GALNTL6: variants seen among roughly 807,000 people sequenced by gnomAD.
The protein encoded by GALNTL6 is polypeptide N-acetylgalactosaminyltransferase like 6.
A neutral mutation model predicts 73.7 loss-of-function variants in GALNTL6; 46 were observed. The ratio of observed to expected loss-of-function variants is 0.62; its 90% CI spans 0.49 to 0.80. The LOEUF is 0.80. GALNTL6 is among the 30% of genes least tolerant of loss of function. The probability of loss-of-function intolerance (pLI) is 0.00; values close to 1 mark genes in which losing one functional copy is unlikely to be tolerated. For synonymous variants in GALNTL6, 259 were observed against 263.7 expected (o/e 0.98, Z 0.17); for missense variants, 604 against 755.0 (o/e 0.80, Z 2.34).
At chr4:172,965,276 C>T (rs544715149) in intron 10 of GALNTL6, among the ~76,000 whole-genome samples, 1 of 152,092 alleles carries the variant, frequency 6.6e-6, no homozygotes, top group Non-Finnish European at 1.5e-5. Flanking sequence ...TGAAGACAAA[C>T]CTAAAGTGTC....
At chr4:172,814,314 A>G (rs1741479323) in intron 7 of GALNTL6, among the ~76,000 whole-genome samples, 1 of 152,216 alleles carries the variant, frequency 6.6e-6, no homozygotes, top group Non-Finnish European at 1.5e-5. Context: ...ATGTACAGCA[A>G]TGATCTAATG....
At chr4:172,215,960 C>A (rs982807936) in intron 2 of GALNTL6, among the ~76,000 whole-genome samples, 1 of 152,100 alleles carries the variant, frequency 6.6e-6, no homozygotes, top group African/African-American at 2.4e-5. Flanking sequence ...TTTCTATGTA[C>A]CAGTTCTTTC....
At chr4:172,280,889 G>A (rs958439185) in intron 3 of GALNTL6, among the ~76,000 whole-genome samples, 7 of 151,820 alleles carry the variant, frequency 4.6e-5, no homozygotes, top group Non-Finnish European at 8.8e-5. Flanking sequence ...TGGCCCGCAC[G>A]GTGGCTCACG....
chr4:172,123,985 A>C (rs1733224030), intron 2 of GALNTL6, among the ~76,000 whole-genome samples: 1 of 152,180 alleles, frequency 6.6e-6, no homozygotes, highest in Non-Finnish European at 1.5e-5. Context: ...AGTACTTCTT[A>C]GTCTTTTACA....
At chr4:172,027,366 CATT>C (rs1350864903) in intron 2 of GALNTL6, among the ~76,000 whole-genome samples, 2 of 152,218 alleles carry the variant, frequency 1.3e-5, no homozygotes, top group Middle Eastern at 3.4e-3. Flanking sequence ...ATGTTGTCAT[CATT>C]ATTATATCTC....
intron 5 of GALNTL6, among the ~76,000 whole-genome samples, chr4:172,622,595 A>G (rs564005545): frequency 6.6e-6 from 1 of 152,328 alleles, no homozygotes; most frequent in South Asian, 2.1e-4. Flanking sequence ...TTCCACAGAC[A>G]CTTTTCCAGA....
intron 5 of GALNTL6, among the ~76,000 whole-genome samples, chr4:172,792,795 G>T: frequency 6.6e-6 from 1 of 151,606 alleles, no homozygotes. Flanking sequence ...ACCATCTCAG[G>T]ATTCATTATT....
In GALNTL6 at chr4:173,040,212, TA is replaced by T. The variant is rs989652161; in HGVS notation, c.*117del. The T allele has an allele frequency of 8.9e-6, 7 of 782,706 alleles. No homozygotes were observed. Among genetic ancestry groups the T allele is most frequent in the Non-Finnish European group, 7.8e-6 (4 of 512,574 alleles). 48.5% of individuals were successfully genotyped at this position (782,706 alleles called of 1,614,324 possible). ...TTTCCTCGATCCAGGAAGGCTGGTT[TA>T]AAAATTTGCAAATGCCATGTCAAAG... is the stretch of plus-strand genomic sequence containing the variant. On this transcript the variant is annotated 3_prime_UTR_variant, in exon 13 of 13. Coordinates refer to ENST00000506823, the MANE Select transcript of GALNTL6 (RefSeq NM_001034845.3).
chr4:171,929,559 A>T (rs1344142405), intron 2 of GALNTL6, among the ~76,000 whole-genome samples: 2 of 152,190 alleles, frequency 1.3e-5, no homozygotes, highest in East Asian at 3.9e-4. Context: ...AGTGCACTGG[A>T]GAGTACCCAC....
intron 3 of GALNTL6, among the ~76,000 whole-genome samples, chr4:172,242,439 A>T (rs1004467774): frequency 6.6e-6 from 1 of 152,130 alleles, no homozygotes; most frequent in Non-Finnish European, 1.5e-5. Flanking sequence ...TTTTTATTTT[A>T]ACTCAAAATA....
chr4:172,542,062 G>A lies in GALNTL6; in HGVS notation c.553+193373G>A, dbSNP rs560928598. Reference sequence around the variant, plus strand: ...TGTAGGACATGGACACACAGGAGGAGTTTAGGAGTAGAGCTTTAACAGGGA... The same window carrying A: ...TGTAGGACATGGACACACAGGAGGAATTTAGGAGTAGAGCTTTAACAGGGA... On this transcript the variant is annotated intron_variant, in intron 5 of 12. Coordinates refer to ENST00000506823, the MANE Select transcript of GALNTL6 (RefSeq NM_001034845.3). 7.2e-5 allele frequency among the ~76,000 whole-genome samples: 11 copies of A among 151,868 alleles called. No homozygotes were observed. The East Asian group carries it at 1.2e-3, about 16-fold the overall frequency.
At chr4:172,645,668 T>G (rs1740210972) in intron 5 of GALNTL6, among the ~76,000 whole-genome samples, 1 of 151,880 alleles carries the variant, frequency 6.6e-6, no homozygotes, top group Non-Finnish European at 1.5e-5. Context: ...CATACAAATT[T>G]AATATGTGTT....
chr4:172,102,492 G>A (rs1206684366), intron 2 of GALNTL6, among the ~76,000 whole-genome samples: 1 of 152,158 alleles, frequency 6.6e-6, no homozygotes, highest in Non-Finnish European at 1.5e-5. Context: ...TAGTGTGGAT[G>A]ATGTCAGGTG....
At chr4:172,338,054 G>T (rs1321533819) in intron 4 of GALNTL6, among the ~76,000 whole-genome samples, 1 of 152,048 alleles carries the variant, frequency 6.6e-6, no homozygotes. Context: ...ACTGTTTGGC[G>T]TAGGCTACTG....
chr4:172,229,472 TA>T (rs903966409), intron 2 of GALNTL6, among the ~76,000 whole-genome samples, 183 bp from the exon 3 acceptor site: 7 of 151,916 alleles, frequency 4.6e-5, no homozygotes, highest in African/African-American at 1.5e-4. Flanking sequence ...TTTTAAAGGT[TA>T]AAAAAAAGAT....
chr4:171,912,965 G>A (rs1737517612), intron 2 of GALNTL6, among the ~76,000 whole-genome samples: 1 of 152,088 alleles, frequency 6.6e-6, no homozygotes, highest in Non-Finnish European at 1.5e-5. Flanking sequence ...GGACGCTTAG[G>A]TTATTCACAT....
chr4:172,182,523 A>G (rs564998386), intron 2 of GALNTL6, among the ~76,000 whole-genome samples: 1 of 146,202 alleles, frequency 6.8e-6, no homozygotes, highest in South Asian at 2.2e-4. Context: ...TTTAAAATAC[A>G]TAATTTAAAT....
intron 2 of GALNTL6, among the ~76,000 whole-genome samples, chr4:171,883,869 A>G (rs1013928451): frequency 6.6e-6 from 1 of 151,776 alleles, no homozygotes; most frequent in Non-Finnish European, 1.5e-5. Context: ...GGGTGGTCTC[A>G]ATCTCCTAAC....
chr4:172,023,491 AATGATGTTTAAACTTCTTAT>A (rs1219369321), intron 2 of GALNTL6, among the ~76,000 whole-genome samples: 3 of 151,958 alleles, frequency 2.0e-5, no homozygotes, highest in African/African-American at 7.2e-5. Context: ...CCTAACTTTG[AATGATGTTTAAACTTCTTAT>A]AAGAGTAAAA....
Sources: gnomAD v4.1 joint callset for allele counts (sites outside exome capture counted in the v4.1 genomes callset) on GRCh38, gnomAD v4.1.1 for gene constraint, MANE v1.5 for transcripts, NCBI Gene and HGNC (gene_info 2026-07-23, HGNC 2026-07-21) for gene names.